The following TM9SF2 variants were observed in gnomAD, a reference collection of about 807,000 sequenced individuals.
TM9SF2 encodes 76 kDa membrane protein.
A neutral mutation model predicts 84.9 loss-of-function variants in TM9SF2; 13 were observed. The observed-to-expected ratio is 0.15, with a 90% CI of 0.10 to 0.24. The LOEUF is 0.24. Among genes scored for constraint, TM9SF2 ranks in the 10% least tolerant of loss-of-function variants. The probability of loss-of-function intolerance (pLI) is 1.00; values close to 1 mark genes in which losing one functional copy is unlikely to be tolerated. For synonymous variants in TM9SF2, 273 were observed against 285.8 expected (o/e 0.96, Z 0.45); for missense variants, 562 against 818.5 (o/e 0.69, Z 3.82).
chr13:99,519,314 C>G (rs1420149736), intron 2 of TM9SF2, among the ~76,000 whole-genome samples: 5 of 150,304 alleles, frequency 3.3e-5, no homozygotes, highest in Non-Finnish European at 5.9e-5. Flanking sequence ...TTTTTAATCA[C>G]CAGAGACCCA....
intron 11 of TM9SF2, among the ~76,000 whole-genome samples, chr13:99,548,952 C>CT (rs1479535582): frequency 6.6e-6 from 1 of 152,142 alleles, no homozygotes; most frequent in Non-Finnish European, 1.5e-5. Flanking sequence ...CTCTGATTCT[C>CT]TAGAGCAGGA....
At chr13:99,544,092 C>T in intron 10 of TM9SF2, 97 bp downstream of exon 10, 1 of 1,417,010 alleles carries the variant, frequency 7.1e-7, no homozygotes. Context: ...TGGCTCATGC[C>T]TGTAATCCTA....
chr13:99,550,839 A>C (rs1217892099), intron 12 of TM9SF2, among the ~76,000 whole-genome samples: 1 of 152,246 alleles, frequency 6.6e-6, no homozygotes, highest in Non-Finnish European at 1.5e-5. Context: ...ATTCAGAACC[A>C]ACATCACTGA....
At chr13:99,524,707 A>G (rs1284972024) in intron 3 of TM9SF2, among the ~76,000 whole-genome samples, 1 of 151,718 alleles carries the variant, frequency 6.6e-6, no homozygotes, top group African/African-American at 2.4e-5. Flanking sequence ...GACCTATAAA[A>G]TCAGGTGCCC....
chr13:99,537,949 ATAT>A (rs1315321498), intron 6 of TM9SF2, 86 bp downstream of exon 6: 1 of 1,459,054 alleles, frequency 6.9e-7, no homozygotes, highest in Non-Finnish European at 9.1e-7. Context: ...TTACTCCTTA[ATAT>A]TCTGACATTT....
At chr13:99,527,834 C>G (rs2046190726) in intron 3 of TM9SF2, among the ~76,000 whole-genome samples, 1 of 152,212 alleles carries the variant, frequency 6.6e-6, no homozygotes, top group Non-Finnish European at 1.5e-5. Flanking sequence ...TGTATTTAAT[C>G]CAACAACCCT....
intron 8 of TM9SF2, among the ~76,000 whole-genome samples, 161 bp from the exon 9 acceptor site, chr13:99,541,398 C>G (rs952461702): frequency 6.6e-6 from 1 of 152,170 alleles, no homozygotes. Flanking sequence ...TGGAGGGAAA[C>G]ATGAAAGAAC....
In TM9SF2 at chr13:99,559,443, C is replaced by A; in HGVS notation, c.1833C>A (p.Phe611Leu). The A allele has an allele frequency of 6.2e-7, 1 of 1,614,084 alleles. No individual in the cohort carries two copies. The highest frequency in any genetic ancestry group is 8.5e-7 in the Non-Finnish European group (1 of 1,179,990). Residue 611 changes from phenylalanine (F) to leucine (L), a missense_variant, in exon 16 of 17, where the codon TTC becomes TTA. Physicochemically the swap from Phe to Leu is conservative, Grantham distance 22. Coordinates refer to ENST00000376387, the MANE Select transcript of TM9SF2 (RefSeq NM_004800.3). ...TCTTAATCTATGCAGTACACTACTTCTTTTCAAAACTGCAGATCACGGGAA... is the reference window on the plus strand; with the variant it reads ...TCTTAATCTATGCAGTACACTACTTATTTTCAAAACTGCAGATCACGGGAA... ...VYFLIYAVHY[F>L]FSKLQITGTA...
At chr13:99,515,388 T>C (rs2046129594) in intron 1 of TM9SF2, among the ~76,000 whole-genome samples, 1 of 152,242 alleles carries the variant, frequency 6.6e-6, no homozygotes, top group Admixed American at 6.5e-5. Context: ...GTTGTATGTA[T>C]TTGTGTTAAT....
At chr13:99,521,527 T>A (rs1308835133) in intron 3 of TM9SF2, among the ~76,000 whole-genome samples, 1 of 152,066 alleles carries the variant, frequency 6.6e-6, no homozygotes, top group Admixed American at 6.5e-5. Flanking sequence ...AGCACAACAT[T>A]TATTATCTGT....
In TM9SF2 at chr13:99,550,711, T is replaced by C. The variant is rs562062857; in HGVS notation, c.1329-1456T>C. Among the ~76,000 whole-genome samples, 6 of 152,352 alleles carry C rather than the reference T, an allele frequency of 3.9e-5. No homozygotes were observed. The East Asian group carries it at 1.2e-3, about 29-fold the overall frequency. On this transcript the variant is annotated intron_variant, in intron 12 of 16. Coordinates refer to ENST00000376387, the MANE Select transcript of TM9SF2 (RefSeq NM_004800.3). ...AATTCTACATAAATAAACACCTGCA[T>C]ATAATTACTGCAACAGATGCAGTAA... is the stretch of plus-strand genomic sequence containing the variant.
intron 3 of TM9SF2, among the ~76,000 whole-genome samples, chr13:99,523,566 G>A (rs1243108929): frequency 6.6e-6 from 1 of 152,230 alleles, no homozygotes; most frequent in Non-Finnish European, 1.5e-5. Flanking sequence ...GAAAACAACA[G>A]TGCAAGACAT....
At chr13:99,558,974 C>T (rs2046334628) in intron 15 of TM9SF2, among the ~76,000 whole-genome samples, 3 of 152,144 alleles carry the variant, frequency 2.0e-5, no homozygotes, top group Non-Finnish European at 4.4e-5. Flanking sequence ...TAATCTTCTT[C>T]CTAATACAGA....
intron 1 of TM9SF2, 145 bp downstream of exon 1, chr13:99,501,922 C>A: frequency 8.5e-7 from 1 of 1,180,194 alleles, no homozygotes; most frequent in Non-Finnish European, 1.2e-6. Context: ...TTGGGGTCTG[C>A]TGGGCTGTGG....
chr13:99,540,602 G>T, intron 7 of TM9SF2, 112 bp from the exon 8 acceptor site: 3 of 605,208 alleles, frequency 5.0e-6, no homozygotes, highest in Non-Finnish European at 5.4e-6. Context: ...AGATAATTTA[G>T]AAATTGCAGT....
intron 6 of TM9SF2, among the ~76,000 whole-genome samples, chr13:99,538,653 A>G (rs1394760440): frequency 2.0e-5 from 3 of 151,790 alleles, no homozygotes; most frequent in Non-Finnish European, 2.9e-5. Flanking sequence ...TTCGCTGGGC[A>G]TGGTGGCATG....
At chr13:99,533,731 T>C (rs531202566) in intron 4 of TM9SF2, among the ~76,000 whole-genome samples, 1 of 152,342 alleles carries the variant, frequency 6.6e-6, no homozygotes, top group East Asian at 1.9e-4. Flanking sequence ...CAGTCTCGAC[T>C]CACTGCAACC....
chr13:99,554,878 C>T (rs1370095485), intron 14 of TM9SF2, among the ~76,000 whole-genome samples: 2 of 152,130 alleles, frequency 1.3e-5, no homozygotes, highest in Non-Finnish European at 2.9e-5. Context: ...GAGCACTTGT[C>T]GGAGGGGATT....
intron 1 of TM9SF2, among the ~76,000 whole-genome samples, chr13:99,504,268 A>T (rs573981645): frequency 2.0e-5 from 3 of 152,316 alleles, no homozygotes; most frequent in Admixed American, 2.0e-4. Context: ...TAGAAATGAG[A>T]GTTGTGAAAT....
Sources: gnomAD v4.1 joint callset for allele counts (sites outside exome capture counted in the v4.1 genomes callset) on GRCh38, gnomAD v4.1.1 for gene constraint, MANE v1.5 for transcripts, NCBI Gene and HGNC (gene_info 2026-07-23, HGNC 2026-07-21) for gene names.